The following DIP2C variants were observed in gnomAD, a reference collection of about 807,000 sequenced individuals.
DIP2C encodes the protein disco-interacting protein 2 homolog C.
DIP2C carries 33 observed loss-of-function variants against 192.4 expected under a neutral mutation model. That is an observed-to-expected ratio of 0.17 (90% confidence interval 0.13 to 0.23). DIP2C has a LOEUF of 0.23. Among genes scored for constraint, DIP2C ranks in the 10% least tolerant of loss-of-function variants. The pLI is 1.00. For synonymous variants in DIP2C, 979 were observed against 864.1 expected (o/e 1.13, Z -2.33); for missense variants, 1,537 against 2,110.1 (o/e 0.73, Z 5.32).
chr10:439,935 G>A (rs1967591551), intron 4 of DIP2C, among the ~76,000 whole-genome samples: 1 of 152,214 alleles, frequency 6.6e-6, no homozygotes, highest in Non-Finnish European at 1.5e-5. Context: ...TAGCTTCAAA[G>A]TGGGATGTAA....
chr10:500,307 C>CA (rs1400136090), intron 1 of DIP2C, among the ~76,000 whole-genome samples: 1 of 152,258 alleles, frequency 6.6e-6, no homozygotes, highest in Non-Finnish European at 1.5e-5. Flanking sequence ...CTGCAGCCAC[C>CA]AGCCCTTGGC....
chr10:621,785 G>A (rs1438194064), intron 1 of DIP2C, among the ~76,000 whole-genome samples: 3 of 152,154 alleles, frequency 2.0e-5, no homozygotes, highest in Non-Finnish European at 4.4e-5. Flanking sequence ...CTGAGCACGG[G>A]GCCTACGGAG....
intron 1 of DIP2C, among the ~76,000 whole-genome samples, chr10:492,191 CCAGACAG>C (rs1331038255): frequency 3.9e-5 from 6 of 152,232 alleles, no homozygotes; most frequent in African/African-American, 1.4e-4. Context: ...CAGGCATACC[CCAGACAG>C]CAGACAGAAG....
At chr10:649,287 G>T (rs576583171) in intron 1 of DIP2C, among the ~76,000 whole-genome samples, 2 of 150,544 alleles carry the variant, frequency 1.3e-5, no homozygotes, top group Non-Finnish European at 1.5e-5. Flanking sequence ...AACATTTGAG[G>T]GTGGGAGAGA....
In DIP2C at chr10:502,029, TCA is replaced by T. The variant is rs560465546; in HGVS notation, c.86-15501_86-15500del. Among the ~76,000 whole-genome samples the T allele has an allele frequency of 9.9e-5, 15 of 152,158 alleles. No homozygotes were observed. The East Asian group carries it at 2.9e-3, about 29-fold the overall frequency. ...GGTATGACAGCATGCACCTGTAGTC[TCA>T]GTTACTCAGTAGGCTGAGGTGGGAG... On this transcript the variant is annotated intron_variant, in intron 1 of 36. Transcript: ENST00000280886.
Position 369,626 on chromosome 10 carries a change from C to G in DIP2C, c.1999G>C (p.Asp667His). 1 of 1,614,068 alleles carries G rather than the reference C, an allele frequency of 6.2e-7. No individual in the cohort carries two copies. Among genetic ancestry groups the G allele is most frequent in the Non-Finnish European group, 8.5e-7 (1 of 1,179,986 alleles). The change falls in exon 18 of 37, where the codon GAT becomes CAT. Residue 667 changes from aspartate (D) to histidine (H), a missense_variant. This residue lies in a region of DIP2C where 677 missense variants were observed against 989.9 expected (regional missense o/e 0.68). Transcript: ENST00000280886. ...ALTVAIRRPT[D>H]DSNQPPGRGV... ...CGGCCCGGGGGCTGGTTACTGTCATCCGTGGGCCTGTAATGACAGTTTTTA... is the reference window on the plus strand; with the variant it reads ...CGGCCCGGGGGCTGGTTACTGTCATGCGTGGGCCTGTAATGACAGTTTTTA...
chr10:382,559 C>T (rs1276176359), intron 17 of DIP2C, 88 bp downstream of exon 17: 1 of 1,010,086 alleles, frequency 9.9e-7, no homozygotes, highest in East Asian at 2.6e-5. Context: ...TCACCCTCAG[C>T]ATCAACTGTT....
At chr10:668,475 A>G (rs1857249576) in intron 1 of DIP2C, 1 of 152,230 alleles carries the variant, frequency 6.6e-6, no homozygotes, top group Non-Finnish European at 1.5e-5. Context: ...CAACACTCAT[A>G]CAACACACAT....
At chr10:582,670 G>T (rs1850742455) in intron 1 of DIP2C, among the ~76,000 whole-genome samples, 1 of 152,234 alleles carries the variant, frequency 6.6e-6, no homozygotes, top group South Asian at 2.1e-4. Context: ...TGGTGTGATA[G>T]CGTTTCTATC....
intron 22 of DIP2C, among the ~76,000 whole-genome samples, chr10:359,216 G>A (rs531466323): frequency 4.8e-4 from 73 of 152,306 alleles, no homozygotes; most frequent in African/African-American, 1.7e-3. Flanking sequence ...CCAGAACAAG[G>A]CAGTCAGGGC....
rs1207404543 is a variant in DIP2C, at chr10:275,318, C to A, written c.*2007G>T. The A allele has an allele frequency of 6.6e-6, 1 of 152,060 alleles. No homozygotes were observed. Among genetic ancestry groups the A allele is most frequent in the African/African-American group, 2.4e-5 (1 of 41,392 alleles). 9.4% of individuals were successfully genotyped at this position (152,060 alleles called of 1,614,324 possible). Reference sequence around the variant, plus strand: ...TCCCCCCAATGTGTGGTGGTTCCCCCCTTAGGAAGCAGAGACTAGGAATGT... The same window carrying A: ...TCCCCCCAATGTGTGGTGGTTCCCCACTTAGGAAGCAGAGACTAGGAATGT... On this transcript the variant is annotated 3_prime_UTR_variant, in exon 37 of 37. Coordinates refer to ENST00000280886, the MANE Select transcript of DIP2C (RefSeq NM_014974.3).
intron 1 of DIP2C, among the ~76,000 whole-genome samples, chr10:530,907 T>G (rs1013541269): frequency 8.6e-5 from 13 of 152,046 alleles, no homozygotes; most frequent in African/African-American, 2.9e-4. Flanking sequence ...GCAGCCTGGT[T>G]TAGAGGAACG....
rs371314949 is a variant in DIP2C at position 349,322 on chromosome 10, C to A, written c.3109+9G>T. The A allele has an allele frequency of 1.9e-6, 3 of 1,600,762 alleles. No homozygotes were observed. The South Asian group carries it at 3.3e-5, about 18-fold the overall frequency. On this transcript the variant is annotated intron_variant, in intron 25 of 36. Coordinates refer to ENST00000280886, the MANE Select transcript of DIP2C (RefSeq NM_014974.3). ...CATCTCTCAGGGGAAGCCCACCCTG[C>A]GCCTGTACCTGGGGGGTAGACCAAG...
At chr10:446,861 T>C (rs549771264) in intron 3 of DIP2C, among the ~76,000 whole-genome samples, 14 of 152,270 alleles carry the variant, frequency 9.2e-5, no homozygotes, top group African/African-American at 3.1e-4. Flanking sequence ...TTTGTCAATG[T>C]AGTGAATTAC....
At chr10:332,612 G>A (rs541724443) in intron 29 of DIP2C, among the ~76,000 whole-genome samples, 1 of 152,286 alleles carries the variant, frequency 6.6e-6, no homozygotes, top group South Asian at 2.1e-4. Context: ...TTATTCTCAA[G>A]ACATTATTCT....
intron 3 of DIP2C, among the ~76,000 whole-genome samples, chr10:467,935 C>T (rs949450478): frequency 2.0e-5 from 3 of 152,064 alleles, no homozygotes; most frequent in Non-Finnish European, 4.4e-5. Flanking sequence ...ACATGTACTC[C>T]AGAACTTAAA....
At chr10:556,514 A>C (rs973472848) in intron 1 of DIP2C, among the ~76,000 whole-genome samples, 1 of 150,322 alleles carries the variant, frequency 6.7e-6, no homozygotes, top group Admixed American at 6.6e-5. Flanking sequence ...GACATTTTGG[A>C]GGTTCCTCAG....
intron 31 of DIP2C, among the ~76,000 whole-genome samples, chr10:310,634 C>T (rs577560607): frequency 4.8e-4 from 73 of 152,322 alleles, no homozygotes; most frequent in Admixed American, 1.7e-3. Flanking sequence ...AGACACAGGT[C>T]AGGGAAGGGG....
intron 3 of DIP2C, among the ~76,000 whole-genome samples, chr10:458,973 T>C (rs1969529807): frequency 6.7e-6 from 1 of 148,998 alleles, no homozygotes; most frequent in Non-Finnish European, 1.5e-5. Flanking sequence ...AAGTTTCCAG[T>C]TTACCTCTCA....
Sources: gnomAD v4.1 joint callset for allele counts (sites outside exome capture counted in the v4.1 genomes callset) on GRCh38, gnomAD v4.1.1 for gene constraint, gnomAD v4.1.1 regional missense constraint, MANE v1.5 for transcripts, NCBI Gene and HGNC (gene_info 2026-07-23, HGNC 2026-07-21) for gene names.